AKAP3: variants seen among roughly 807,000 people sequenced by gnomAD.
AKAP3 encodes the protein A-kinase anchor protein 3.
AKAP3 carries 27 observed loss-of-function variants against 57.2 expected under a neutral mutation model. That is an observed-to-expected ratio of 0.47 (90% confidence interval 0.35 to 0.65). The LOEUF (loss-of-function observed/expected upper bound fraction) is 0.65. Ranked by LOEUF, AKAP3 falls within the 30% of genes least tolerant of loss-of-function variation. The pLI, the probability that AKAP3 is intolerant of heterozygous loss-of-function variation, is 0.01. For missense variants in AKAP3, 959 were observed against 1,040.0 expected, an observed-to-expected ratio of 0.92 and a Z score of 1.07; for synonymous variants, 334 against 392.3, an observed-to-expected ratio of 0.85 and a Z score of 1.76.
chr12:4,627,910 G>A lies in AKAP3; in HGVS notation c.992C>T (p.Ser331Leu), dbSNP rs748232602. The A allele has an allele frequency of 6.2e-6, 10 of 1,614,122 alleles. No homozygotes were observed. Among genetic ancestry groups the A allele is most frequent in the Non-Finnish European group, 8.5e-6 (10 of 1,180,018 alleles). ...VLLKHAKEVVSDLIDSFLRNL... is the reference protein window; with the variant it reads ...VLLKHAKEVVLDLIDSFLRNL... ...CCTCAAGAAGGAGTCGATGAGATCC[G>A]AGACCACCTCTTTTGCATGCTTGAG... Residue 331 changes from serine to leucine, a missense_variant, in exon 5 of 6, where the codon TCG (serine) becomes TTG (leucine). Transcript: ENST00000228850.
Position 4,625,264 on chromosome 12 carries a change from T to A in AKAP3, c.2406+1232A>T, listed in dbSNP as rs182555713. Among the ~76,000 whole-genome samples the A allele has an allele frequency of 2.0e-5, 3 of 152,330 alleles. No homozygotes were observed. The East Asian group carries it at 5.8e-4, about 29-fold the overall frequency. On this transcript the variant is annotated intron_variant, in intron 5 of 5. Coordinates refer to ENST00000228850, the MANE Select transcript of AKAP3 (RefSeq NM_001278309.2). This position sits in a 1 kb window ranked among gnomAD's most constrained non-coding sequence, Gnocchi z 5.4. The stretch of plus-strand genomic sequence containing the variant: ...GGGTATTTTGCTAAGATGAAGATTC[T>A]GATTCAGTAGGTCTGGAGGGAAGTG...
At chr12:4,639,814 CTTTT>C (rs34820221) in intron 3 of AKAP3, among the ~76,000 whole-genome samples, 1 of 111,092 alleles carries the variant, frequency 9.0e-6, no homozygotes, top group African/African-American at 3.2e-5. Flanking sequence ...ATTTTCTTGT[CTTTT>C]TTTTTTTTTT....
rs1010995957 is a variant in AKAP3 at position 4,638,212 on chromosome 12, A to C, written c.1-16T>G. ...TTTCTGACATCTGGAAGCAGGGGAAAAAAATGAGAAAGGGTCATCACAAGG... is the reference window on the plus strand; with the variant it reads ...TTTCTGACATCTGGAAGCAGGGGAACAAAATGAGAAAGGGTCATCACAAGG... On this transcript the variant is annotated splice_polypyrimidine_tract_variant and intron_variant, in intron 3 of 5. Transcript: ENST00000228850. The C allele has an allele frequency of 3.0e-5, 47 of 1,566,588 alleles. No homozygotes were observed. The highest frequency in any genetic ancestry group is 3.8e-5 in the Non-Finnish European group (44 of 1,143,692).
Position 4,626,904 on chromosome 12 carries a change from A to C in AKAP3, c.1998T>G (p.Ser666Arg). The change falls in exon 5 of 6, where the codon AGT becomes AGG. Residue 666 changes from serine (S) to arginine (R), a missense_variant. Transcript: ENST00000228850. The part of the protein sequence containing the change: ...MAVSQIDGHM[S>R]GQMVEHLMNS... ...TCATCAGATGTTCTACCATCTGCCC[A>C]CTCATGTGGCCATCTATCTGGCTGA... 6.2e-7 allele frequency: 1 copy of C among 1,613,860 alleles called. No homozygotes were observed. Among genetic ancestry groups the C allele is most frequent in the Non-Finnish European group, 8.5e-7 (1 of 1,179,992 alleles).
chr12:4,639,661 GTGAGAACATGCAGTGTT>G (rs1945612289), intron 3 of AKAP3, among the ~76,000 whole-genome samples: 2 of 150,654 alleles, frequency 1.3e-5, no homozygotes, highest in African/African-American at 4.9e-5. Context: ...CCACCTATGA[GTGAGAACATGCAGTGTT>G]TGGTTTTCTG....
At chr12:4,640,564 G>C (rs1052345546) in intron 3 of AKAP3, among the ~76,000 whole-genome samples, 3 of 152,152 alleles carry the variant, frequency 2.0e-5, no homozygotes, top group African/African-American at 7.2e-5. Flanking sequence ...TATATAAGTG[G>C]ATATGTCATT....
chr12:4,617,909 TG>T (rs1239269253), intron 5 of AKAP3, among the ~76,000 whole-genome samples: 1 of 152,156 alleles, frequency 6.6e-6, no homozygotes, highest in Non-Finnish European at 1.5e-5. Flanking sequence ...CCAGCTTAAG[TG>T]GTAAACTATT....
Position 4,627,259 on chromosome 12 carries a change from C to A in AKAP3, c.1643G>T (p.Arg548Leu), listed in dbSNP as rs1203259746. The A allele has an allele frequency of 1.2e-6, 2 of 1,613,842 alleles. No homozygotes were observed. Among genetic ancestry groups the A allele is most frequent in the Non-Finnish European group, 1.7e-6 (2 of 1,179,972 alleles). The part of the protein sequence containing the change: ...HLAQGGRRDA[R>L]SFVEAAGTTN... ...GGTGCCAGCAGCTTCAACGAAGCTCCGTGCATCCCTTCTTCCTCCCTGGGC... is the reference window on the plus strand; with the variant it reads ...GGTGCCAGCAGCTTCAACGAAGCTCAGTGCATCCCTTCTTCCTCCCTGGGC... Residue 548 changes from arginine to leucine, a missense_variant, in exon 5 of 6, where the codon CGG becomes CTG. Arg to Leu is a moderately radical substitution (Grantham distance 102). Coordinates refer to ENST00000228850, the MANE Select transcript of AKAP3 (RefSeq NM_001278309.2).
chr12:4,641,585 T>C (rs1945638614), intron 3 of AKAP3, among the ~76,000 whole-genome samples: 1 of 152,242 alleles, frequency 6.6e-6, no homozygotes, highest in African/African-American at 2.4e-5. Context: ...AACTCTATAA[T>C]GTCCTCTGCA....
At chr12:4,619,987 T>C (rs1487475703) in intron 5 of AKAP3, among the ~76,000 whole-genome samples, 1 of 152,214 alleles carries the variant, frequency 6.6e-6, no homozygotes, top group African/African-American at 2.4e-5. Flanking sequence ...GAAAGGTTAA[T>C]GGTTGCCCAT....
chr12:4,645,963 A>G (rs1945693435), intron 1 of AKAP3: 1 of 152,206 alleles, frequency 6.6e-6, no homozygotes, highest in Non-Finnish European at 1.5e-5. Flanking sequence ...TGCATATCCC[A>G]TGGAATCACT....
intron 4 of AKAP3, among the ~76,000 whole-genome samples, 178 bp from the exon 5 acceptor site, chr12:4,628,983 A>C (rs1255260074): frequency 2.6e-5 from 4 of 152,240 alleles, no homozygotes; most frequent in African/African-American, 7.2e-5. Flanking sequence ...CAAGTATTTA[A>C]AGTCTATTAT....
Position 4,632,919 on chromosome 12 carries a change from C to T in AKAP3, c.97-4114G>A, listed in dbSNP as rs144895808. 6.3e-3 allele frequency among the ~76,000 whole-genome samples: 961 copies of T among 152,192 alleles called. 17 individuals are homozygous for T. The highest frequency in any genetic ancestry group is 0.021 in the African/African-American group (889 of 41,536). ...CCTCCCAAAGTGCTGGGATTACAGG[C>T]GTGAGCCACCATGCCCGGCCCCCTT... On this transcript the variant is annotated intron_variant, in intron 4 of 5. Coordinates refer to ENST00000228850, the MANE Select transcript of AKAP3 (RefSeq NM_001278309.2).
chr12:4,617,406 A>C (rs1190593152), intron 5 of AKAP3, among the ~76,000 whole-genome samples: 1 of 152,260 alleles, frequency 6.6e-6, no homozygotes, highest in East Asian at 1.9e-4. Context: ...AGAGCAACAC[A>C]AACAGTAAAA....
In AKAP3 at chr12:4,627,894, G is replaced by A. The variant is rs1945443063; in HGVS notation, c.1008C>T (p.Ser336=). The change falls in exon 5 of 6, where the codon TCC becomes TCT. Residue 336 remains serine (S), a synonymous_variant. Transcript: ENST00000228850. ...AKEVVSDLID[S]FLRNLHSVTG... is the part of the protein sequence containing the mutation. ...TGACGCTGTGGAGATTCCTCAAGAA[G>A]GAGTCGATGAGATCCGAGACCACCT... 5 of 1,614,178 alleles carry A rather than the reference G, an allele frequency of 3.1e-6. No homozygotes were observed. Among genetic ancestry groups the A allele is most frequent in the Non-Finnish European group, 4.2e-6 (5 of 1,180,024 alleles).
intron 2 of AKAP3, 116 bp downstream of exon 2, chr12:4,644,936 CAGA>C (rs1392015534): frequency 1.3e-5 from 2 of 152,014 alleles, no homozygotes; most frequent in African/African-American, 4.8e-5. Context: ...ATCAGCTGGA[CAGA>C]AGAACAACGC....
intron 3 of AKAP3, among the ~76,000 whole-genome samples, chr12:4,638,635 T>A (rs374344637): frequency 1.3e-5 from 2 of 152,158 alleles, no homozygotes; most frequent in South Asian, 2.1e-4. Context: ...TTTTAAGTAA[T>A]TGTTTCATTT....
Position 4,626,880 on chromosome 12 carries a change from C to T in AKAP3, c.2022G>A (p.Met674Ile), listed in dbSNP as rs1023348873. ...HMSGQMVEHL[M>I]NSVMKLCVII... Reference sequence around the variant, plus strand: ...TGACACACAGCTTCATCACTGAGTTCATCAGATGTTCTACCATCTGCCCAC... The same window carrying T: ...TGACACACAGCTTCATCACTGAGTTTATCAGATGTTCTACCATCTGCCCAC... Residue 674 changes from methionine (M) to isoleucine (I), a missense_variant, in exon 5 of 6, where the codon ATG becomes ATA. Met to Ile is a conservative substitution (Grantham distance 10). Transcript: ENST00000228850. 1.9e-6 allele frequency: 3 copies of T among 1,613,712 alleles called. No individual in the cohort carries two copies. The highest frequency in any genetic ancestry group is 2.2e-5 in the East Asian group (1 of 44,902).
intron 4 of AKAP3, among the ~76,000 whole-genome samples, chr12:4,634,655 C>T (rs1945541662): frequency 6.6e-6 from 1 of 151,812 alleles, no homozygotes; most frequent in African/African-American, 2.4e-5. Flanking sequence ...TTGAAAGGAA[C>T]ACTATCTATT....
Sources: allele counts gnomAD v4.1 joint callset (sites outside exome capture counted in the v4.1 genomes callset), GRCh38; gene constraint gnomAD v4.1.1; non-coding constraint Gnocchi (gnomAD v3.1); transcripts MANE v1.5; gene names NCBI Gene and HGNC (gene_info 2026-07-23, HGNC 2026-07-21).